Variants in SLC38A3 observed in about 807,000 individuals in gnomAD.
SLC38A3 encodes the protein sodium-coupled neutral amino acid transporter 3.
In SLC38A3, 17 loss-of-function variants were observed where a neutral mutation model predicts 59.5. The observed-to-expected ratio is 0.29, with a 90% CI of 0.20 to 0.43. The LOEUF is 0.43. Among genes scored for constraint, SLC38A3 ranks in the 20% least tolerant of loss-of-function variants. SLC38A3 has a pLI of 1.00. For synonymous variants in SLC38A3, 238 were observed against 260.3 expected (o/e 0.91, Z 0.82); for missense variants, 454 against 653.9 (o/e 0.69, Z 3.33).
rs1424697406 is a variant in SLC38A3, at chr3:50,215,997, C to T, written c.548+176C>T. On this transcript the variant is annotated intron_variant, in intron 7 of 15. Coordinates refer to ENST00000614032, the MANE Select transcript of SLC38A3 (RefSeq NM_006841.6). This position sits in a 1 kb window ranked among gnomAD's most constrained non-coding sequence, Gnocchi z 7.1. ...TTGCCCGCAGAGCCAGCATTCAGTT[C>T]ACACTCACTTGGGAAGCACCTTGGA... Among the ~76,000 whole-genome samples, 2 of 152,198 alleles carry T rather than the reference C, an allele frequency of 1.3e-5. No individual in the cohort carries two copies. Among genetic ancestry groups the T allele is most frequent in the East Asian group, 3.9e-4 (2 of 5,160 alleles).
In SLC38A3 at chr3:50,215,654, G is replaced by C. The variant is rs1699807346; in HGVS notation, c.466+18G>C. 6.2e-7 allele frequency: 1 copy of C among 1,613,304 alleles called. No individual in the cohort carries two copies. The highest frequency in any genetic ancestry group is 8.5e-7 in the Non-Finnish European group (1 of 1,179,618). On this transcript the variant is annotated intron_variant, in intron 6 of 15. Coordinates refer to ENST00000614032, the MANE Select transcript of SLC38A3 (RefSeq NM_006841.6). This position sits in a 1 kb window ranked among gnomAD's most constrained non-coding sequence, Gnocchi z 7.1. The stretch of plus-strand genomic sequence containing the variant: ...CATCGGAGGTAAGAGCAGTGGGCAG[G>C]GGCAGGCAGTAGGGAGGTGGACAGC...
chr3:50,219,935 G>T lies in SLC38A3; in HGVS notation c.1361G>T (p.Arg454Leu). The change falls in exon 15 of 16, where the codon CGA becomes CTA. Residue 454 changes from arginine (R) to leucine (L), a missense_variant. By Grantham distance (102) the Arg-to-Leu change is moderately radical. Around this residue, in one of 3 missense-constraint regions of SLC38A3, gnomAD observed 59 missense variants for 70.8 expected, o/e 0.83. Transcript: ENST00000614032. The part of the protein sequence containing the change: ...IFIFPAIFYF[R>L]IMPTEKEPAR... ...ATCTTCCCTGCCATCTTCTACTTCCGAATCATGCCCACGGAGAAGGAGCCT... is the reference window on the plus strand; with the variant it reads ...ATCTTCCCTGCCATCTTCTACTTCCTAATCATGCCCACGGAGAAGGAGCCT... 1.2e-6 allele frequency: 2 copies of T among 1,613,416 alleles called. No individual in the cohort carries two copies. Among genetic ancestry groups the T allele is most frequent in the Non-Finnish European group, 1.7e-6 (2 of 1,179,682 alleles).
intron 1 of SLC38A3, among the ~76,000 whole-genome samples, chr3:50,208,625 G>C (rs894580337): frequency 2.0e-5 from 3 of 152,124 alleles, no homozygotes; most frequent in Admixed American, 6.5e-5. Context: ...CTCTGACTGG[G>C]TGCTCACTCT....
In SLC38A3 at chr3:50,214,892, C is replaced by T; in HGVS notation, c.299+124C>T. 1 of 692,078 alleles carries T rather than the reference C, an allele frequency of 1.4e-6. No homozygotes were observed. Among genetic ancestry groups the T allele is most frequent in the Non-Finnish European group, 2.5e-6 (1 of 392,304 alleles). 42.9% of individuals were successfully genotyped at this position (692,078 alleles called of 1,614,324 possible). A position where few individuals can be genotyped will look rare whatever the true frequency, so the allele number is the denominator to read the frequency against. ...CTGCAGTGGGTGGGCACTTCTTACACTAACAAACCGCGGCTGAAAAAAACA... is the reference window on the plus strand; with the variant it reads ...CTGCAGTGGGTGGGCACTTCTTACATTAACAAACCGCGGCTGAAAAAAACA... On this transcript the variant is annotated intron_variant, in intron 4 of 15. Coordinates refer to ENST00000614032, the MANE Select transcript of SLC38A3 (RefSeq NM_006841.6). This position sits in a 1 kb window ranked among gnomAD's most constrained non-coding sequence, Gnocchi z 6.0.
In SLC38A3 at chr3:50,214,488, G is replaced by C; in HGVS notation, c.183+5G>C. 6.4e-7 allele frequency: 1 copy of C among 1,560,994 alleles called. No individual in the cohort carries two copies. Among genetic ancestry groups the C allele is most frequent in the Admixed American group, 1.9e-5 (1 of 51,764 alleles). Reference sequence around the variant, plus strand: ...AAGGAGCCACACTTCACTGACGTGAGCAGGGCAGCAACGGGTTTTAGGGGA... The same window carrying C: ...AAGGAGCCACACTTCACTGACGTGACCAGGGCAGCAACGGGTTTTAGGGGA... On this transcript the variant is annotated splice_donor_5th_base_variant and intron_variant, in intron 3 of 15. Coordinates refer to ENST00000614032, the MANE Select transcript of SLC38A3 (RefSeq NM_006841.6). This position sits in a 1 kb window ranked among gnomAD's most constrained non-coding sequence, Gnocchi z 6.0.
At chr3:50,212,453 C>T (rs1441548246) in intron 1 of SLC38A3, among the ~76,000 whole-genome samples, 1 of 152,128 alleles carries the variant, frequency 6.6e-6, no homozygotes, top group East Asian at 1.9e-4. Context: ...GACATGTGGA[C>T]CTAGGCAACC....
rs1353502221 is a variant in SLC38A3, at chr3:50,215,366, A to G, written c.300-20A>G. The G allele has an allele frequency of 6.2e-7, 1 of 1,612,816 alleles. No homozygotes were observed. Among genetic ancestry groups the G allele is most frequent in the East Asian group, 2.2e-5 (1 of 44,866 alleles). On this transcript the variant is annotated intron_variant, in intron 4 of 15. Coordinates refer to ENST00000614032, the MANE Select transcript of SLC38A3 (RefSeq NM_006841.6). The surrounding 1 kb of genome is among the most constrained non-coding windows in gnomAD (Gnocchi z 7.1). ...CCCCCCAGTGGCCTCTTTTTCTTCC[A>G]TCTTCCCATGTGTCCCCAGGTTCCT...
At chr3:50,208,500 T>C (rs1274819419) in intron 1 of SLC38A3, among the ~76,000 whole-genome samples, 3 of 152,008 alleles carry the variant, frequency 2.0e-5, no homozygotes, top group African/African-American at 7.3e-5. Flanking sequence ...TGGGCTCAGG[T>C]GATCTGCCCG....
chr3:50,218,799 C>G lies in SLC38A3; in HGVS notation c.1162-5C>G, dbSNP rs587622474. On this transcript the variant is annotated splice_polypyrimidine_tract_variant and splice_region_variant and intron_variant, in intron 13 of 15. Transcript: ENST00000614032. This position sits in a 1 kb window ranked among gnomAD's most constrained non-coding sequence, Gnocchi z 5.8. ...GGCTGATGATTCTTCTCACCTGCCC[C>G]CCAGGTGCGCCGCGCCATCCAGCAG... 4 of 1,603,988 alleles carry G rather than the reference C, an allele frequency of 2.5e-6. No homozygotes were observed. In the South Asian group the frequency reaches 4.4e-5, roughly 18 times the overall value.
At position 50,218,363 on chromosome 3, in the gene SLC38A3, C is replaced by G. The variant is rs760263507; in HGVS notation, c.1029C>G (p.Thr343=). 4 of 1,607,834 alleles carry G rather than the reference C, an allele frequency of 2.5e-6. No homozygotes were observed. In the South Asian group the frequency reaches 4.4e-5, roughly 18 times the overall value. ...YFLAALFGYL[T]FYNGVESELL... is the part of the protein sequence containing the mutation. Reference sequence around the variant, plus strand: ...TGGCTGCCCTCTTCGGCTACCTCACCTTCTACAGTACGGTGGCACCGGTGG... The same window carrying G: ...TGGCTGCCCTCTTCGGCTACCTCACGTTCTACAGTACGGTGGCACCGGTGG... The change falls in exon 12 of 16, where the codon ACC becomes ACG. Residue 343 remains threonine, a synonymous_variant. Coordinates refer to ENST00000614032, the MANE Select transcript of SLC38A3 (RefSeq NM_006841.6). This position sits in a 1 kb window ranked among gnomAD's most constrained non-coding sequence, Gnocchi z 5.8.
In SLC38A3 at chr3:50,214,287, G is replaced by A; in HGVS notation, c.88G>A (p.Ala30Thr). ...EGLLPVITPM[A>T]GNQRVEDPAR... ...GCTGCTCCCGGTCATCACCCCCATGGCAGGCAACCAGAGGTGAGTACCAGA... is the reference window on the plus strand; with the variant it reads ...GCTGCTCCCGGTCATCACCCCCATGACAGGCAACCAGAGGTGAGTACCAGA... Residue 30 changes from alanine (A) to threonine (T), a missense_variant, in exon 2 of 16, where the codon GCA becomes ACA. Transcript: ENST00000614032. The surrounding 1 kb of genome is among the most constrained non-coding windows in gnomAD (Gnocchi z 6.0). 1 of 1,613,942 alleles carries A rather than the reference G, an allele frequency of 6.2e-7. No individual in the cohort carries two copies. Among genetic ancestry groups the A allele is most frequent in the Non-Finnish European group, 8.5e-7 (1 of 1,179,868 alleles).
chr3:50,215,246 T>G lies in SLC38A3; in HGVS notation c.300-140T>G. The G allele has an allele frequency of 1.4e-6, 1 of 713,774 alleles. No individual in the cohort carries two copies. Among genetic ancestry groups the G allele is most frequent in the South Asian group, 1.7e-5 (1 of 59,458 alleles). 44.2% of individuals were successfully genotyped at this position (713,774 alleles called of 1,614,324 possible). ...TCATCACCCCTGGGGCCTGCTGAGC[T>G]GGCATCCATACCTGTTGGGAGTCCA... On this transcript the variant is annotated intron_variant, in intron 4 of 15. Coordinates refer to ENST00000614032, the MANE Select transcript of SLC38A3 (RefSeq NM_006841.6). The surrounding 1 kb of genome is among the most constrained non-coding windows in gnomAD (Gnocchi z 7.1).
In SLC38A3 at chr3:50,214,504, T is replaced by C; in HGVS notation, c.183+21T>C. ...CTGACGTGAGCAGGGCAGCAACGGG[T>C]TTTAGGGGACACTGTGGGGAGCTTG... On this transcript the variant is annotated intron_variant, in intron 3 of 15. Coordinates refer to ENST00000614032, the MANE Select transcript of SLC38A3 (RefSeq NM_006841.6). This position sits in a 1 kb window ranked among gnomAD's most constrained non-coding sequence, Gnocchi z 6.0. 1 of 1,551,720 alleles carries C rather than the reference T, an allele frequency of 6.4e-7. No homozygotes were observed. The highest frequency in any genetic ancestry group is 8.7e-7 in the Non-Finnish European group (1 of 1,145,560).
chr3:50,219,551 G>A (rs1161219594), intron 14 of SLC38A3, among the ~76,000 whole-genome samples: 1 of 152,184 alleles, frequency 6.6e-6, no homozygotes, highest in African/African-American at 2.4e-5. Flanking sequence ...GAATCCACTG[G>A]CTCAAATAAC....
In SLC38A3 at chr3:50,218,750, C is replaced by T. The variant is rs780010627; in HGVS notation, c.1161+33C>T. On this transcript the variant is annotated intron_variant, in intron 13 of 15. Coordinates refer to ENST00000614032, the MANE Select transcript of SLC38A3 (RefSeq NM_006841.6). The surrounding 1 kb of genome is among the most constrained non-coding windows in gnomAD (Gnocchi z 5.8). The stretch of plus-strand genomic sequence containing the variant: ...GGTGGGCAGGTGGCTAGACTAGTGG[C>T]GGGAGGGGCTGATGGGGCCAACAGG... 18 of 1,598,330 alleles carry T rather than the reference C, an allele frequency of 1.1e-5. No homozygotes were observed. The African/African-American group carries it at 1.2e-4, about 11-fold the overall frequency.
At chr3:50,213,923 G>A (rs1376149175) in intron 1 of SLC38A3, among the ~76,000 whole-genome samples, 2 of 152,188 alleles carry the variant, frequency 1.3e-5, no homozygotes, top group Non-Finnish European at 2.9e-5. Flanking sequence ...TGTAAGAAGT[G>A]CATTATGTAC....
At position 50,220,043 on chromosome 3, in the gene SLC38A3, C is replaced by T. The variant is rs141487595; in HGVS notation, c.1411-30C>T. The T allele has an allele frequency of 9.1e-5, 145 of 1,600,858 alleles. No individual in the cohort carries two copies. The African/African-American group carries it at 9.2e-4, about 10-fold the overall frequency. ...GGGGCTAAGGGAACTGCCCTGACCT[C>T]GGACCTGACCCTGACTTCTGATTCC... On this transcript the variant is annotated intron_variant, in intron 15 of 15. Coordinates refer to ENST00000614032, the MANE Select transcript of SLC38A3 (RefSeq NM_006841.6).
In SLC38A3 at chr3:50,214,118, G is replaced by A; in HGVS notation, c.-51-31G>A. The A allele has an allele frequency of 7.3e-7, 1 of 1,374,254 alleles. No individual in the cohort carries two copies. The highest frequency in any genetic ancestry group is 1.0e-6 in the Non-Finnish European group (1 of 983,632). 85.1% of individuals were successfully genotyped at this position (1,374,254 alleles called of 1,614,324 possible). A position where few individuals can be genotyped will look rare whatever the true frequency, so the allele number is the denominator to read the frequency against. ...GGCTAGGCCGTAGGCCCAAGTAACG[G>A]GGCTAACCAGAGGGACCGGCTGCTC... On this transcript the variant is annotated intron_variant, in intron 1 of 15. Coordinates refer to ENST00000614032, the MANE Select transcript of SLC38A3 (RefSeq NM_006841.6). This position sits in a 1 kb window ranked among gnomAD's most constrained non-coding sequence, Gnocchi z 6.0.
intron 1 of SLC38A3, among the ~76,000 whole-genome samples, chr3:50,205,808 C>T (rs761759830): frequency 6.6e-6 from 1 of 152,254 alleles, no homozygotes; most frequent in South Asian, 2.1e-4. Flanking sequence ...GCCTGACAGG[C>T]AGAGCAGCCC....
Sources: allele counts gnomAD v4.1 joint callset (sites outside exome capture counted in the v4.1 genomes callset), GRCh38; gene constraint gnomAD v4.1.1; regional missense constraint gnomAD v4.1.1; non-coding constraint Gnocchi (gnomAD v3.1); transcripts MANE v1.5; gene names NCBI Gene and HGNC (gene_info 2026-07-23, HGNC 2026-07-21).